Variants in MCU observed in about 807,000 individuals in gnomAD.
MCU encodes the protein mitochondrial calcium uniporter, also known as calcium uniporter protein, mitochondrial.
In MCU, 12 loss-of-function variants were observed where a neutral mutation model predicts 45.2. The ratio of observed to expected loss-of-function variants is 0.27; its 90% CI spans 0.17 to 0.43. The LOEUF (loss-of-function observed/expected upper bound fraction) is 0.43. Ranked by LOEUF, MCU falls within the 20% of genes least tolerant of loss-of-function variation. The pLI is 1.00. For missense variants in MCU, 324 were observed against 436.7 expected, an observed-to-expected ratio of 0.74 and a Z score of 2.30; for synonymous variants, 160 against 165.1, an observed-to-expected ratio of 0.97 and a Z score of 0.24.
intron 1 of MCU, among the ~76,000 whole-genome samples, chr10:72,714,823 G>A (rs947723581): frequency 6.6e-6 from 1 of 152,158 alleles, no homozygotes; most frequent in Non-Finnish European, 1.5e-5. Context: ...TGGGATTACA[G>A]GCGTGAGCCA....
chr10:72,801,243 A>G (rs745768219), intron 1 of MCU, among the ~76,000 whole-genome samples: 2 of 152,118 alleles, frequency 1.3e-5, no homozygotes, highest in Non-Finnish European at 2.9e-5. Flanking sequence ...GTTATTATAC[A>G]CTATCACCTA....
intron 1 of MCU, among the ~76,000 whole-genome samples, chr10:72,806,900 A>G (rs1258801516): frequency 6.6e-6 from 1 of 152,222 alleles, no homozygotes; most frequent in African/African-American, 2.4e-5. Context: ...TGGCCAGTTC[A>G]AGGAACAGTT....
chr10:72,814,442 T>A (rs1345406304), intron 1 of MCU, among the ~76,000 whole-genome samples: 1 of 152,140 alleles, frequency 6.6e-6, no homozygotes, highest in Non-Finnish European at 1.5e-5. Flanking sequence ...AGCCTATAAT[T>A]TTTTGCTTTA....
intron 6 of MCU, 146 bp downstream of exon 6, chr10:72,871,726 G>A (rs1845545917): frequency 3.0e-6 from 2 of 670,052 alleles, no homozygotes; most frequent in Admixed American, 2.5e-5. Flanking sequence ...TTGTGTATTA[G>A]GCAATATTCT....
At position 72,885,841 on chromosome 10, in the gene MCU, A is replaced by G. The variant is rs531499445; in HGVS notation, c.*19A>G. On this transcript the variant is annotated 3_prime_UTR_variant, in exon 8 of 8. Coordinates refer to ENST00000373053, the MANE Select transcript of MCU (RefSeq NM_138357.3). ...AGATTGATCTGCAAAAAGCCTCTGA[A>G]TCCTGGCAGAAGGAACACCTGTTTG... 1 of 1,604,420 alleles carries G rather than the reference A, an allele frequency of 6.2e-7. No individual in the cohort carries two copies. Among genetic ancestry groups the G allele is most frequent in the African/African-American group, 1.3e-5 (1 of 74,810 alleles).
At chr10:72,789,750 C>T (rs1844130032) in intron 1 of MCU, among the ~76,000 whole-genome samples, 1 of 152,066 alleles carries the variant, frequency 6.6e-6, no homozygotes, top group Admixed American at 6.5e-5. Context: ...AAATTTTCAC[C>T]CAGGAAAAAG....
chr10:72,774,877 A>G (rs997342991), intron 1 of MCU, among the ~76,000 whole-genome samples: 8 of 152,192 alleles, frequency 5.3e-5, no homozygotes, highest in African/African-American at 1.4e-4. Flanking sequence ...TATGTACCCA[A>G]TACTGGAGCA....
chr10:72,808,362 A>G (rs1050969522), intron 1 of MCU, among the ~76,000 whole-genome samples: 2 of 152,250 alleles, frequency 1.3e-5, no homozygotes, highest in African/African-American at 4.8e-5. Context: ...TCAACGGAAC[A>G]TATAATGATT....
At chr10:72,728,698 C>T (rs1352766704) in intron 1 of MCU, among the ~76,000 whole-genome samples, 1 of 152,086 alleles carries the variant, frequency 6.6e-6, no homozygotes, top group Non-Finnish European at 1.5e-5. Flanking sequence ...TGAGATAACA[C>T]TGGGGAGAAG....
chr10:72,717,067 G>A (rs1842963349), intron 1 of MCU, among the ~76,000 whole-genome samples: 1 of 151,486 alleles, frequency 6.6e-6, no homozygotes, highest in African/African-American at 2.4e-5. Context: ...CATATTAGGC[G>A]ATGCTTGTTT....
chr10:72,731,949 G>T (rs1345202928), intron 1 of MCU, among the ~76,000 whole-genome samples: 1 of 152,010 alleles, frequency 6.6e-6, no homozygotes, highest in Non-Finnish European at 1.5e-5. Context: ...TATTTCTCTT[G>T]GGTATATACC....
At chr10:72,874,241 C>G (rs185048319) in intron 6 of MCU, among the ~76,000 whole-genome samples, 27 of 152,254 alleles carry the variant, frequency 1.8e-4, no homozygotes, top group African/African-American at 6.3e-4. Context: ...ATACCAGTAT[C>G]TAGAACTAAT....
chr10:72,828,642 T>C (rs1844833270), intron 1 of MCU, among the ~76,000 whole-genome samples: 1 of 152,118 alleles, frequency 6.6e-6, no homozygotes, highest in Admixed American at 6.5e-5. Flanking sequence ...CTATGAAAGA[T>C]GAATTAGGTA....
At chr10:72,839,998 G>A (rs77488048) in intron 2 of MCU, among the ~76,000 whole-genome samples, 1 of 150,018 alleles carries the variant, frequency 6.7e-6, no homozygotes, top group African/African-American at 2.4e-5. Context: ...GCTGCTGCTG[G>A]CATTTGCCTG....
At chr10:72,720,713 T>A (rs907755938) in intron 1 of MCU, among the ~76,000 whole-genome samples, 4 of 152,212 alleles carry the variant, frequency 2.6e-5, no homozygotes, top group African/African-American at 9.6e-5. Flanking sequence ...GATTGTAACC[T>A]CCTTGAGGAA....
intron 1 of MCU, among the ~76,000 whole-genome samples, chr10:72,806,566 T>G (rs1844454946): frequency 6.6e-6 from 1 of 152,202 alleles, no homozygotes; most frequent in South Asian, 2.1e-4. Context: ...GGAACTTCTC[T>G]TGGTGCCAGG....
chr10:72,706,815 G>A (rs1423573562), intron 1 of MCU, among the ~76,000 whole-genome samples: 2 of 148,206 alleles, frequency 1.3e-5, no homozygotes, highest in African/African-American at 2.5e-5. Context: ...GATTATAGAC[G>A]TAAACCACCG....
intron 4 of MCU, among the ~76,000 whole-genome samples, chr10:72,865,008 A>C (rs184345449): frequency 2.0e-5 from 3 of 152,344 alleles, no homozygotes; most frequent in African/African-American, 7.2e-5. Context: ...TATAACAATC[A>C]GGAAAGTTAA....
At chr10:72,798,761 C>A (rs2132776602) in intron 1 of MCU, among the ~76,000 whole-genome samples, 1 of 152,094 alleles carries the variant, frequency 6.6e-6, no homozygotes, top group Non-Finnish European at 1.5e-5. Context: ...GATATACATT[C>A]TTTCAGACTT....
Sources: gnomAD v4.1 joint callset for allele counts (sites outside exome capture counted in the v4.1 genomes callset) on GRCh38, gnomAD v4.1.1 for gene constraint, MANE v1.5 for transcripts, NCBI Gene and HGNC (gene_info 2026-07-23, HGNC 2026-07-21) for gene names.